SLC16A8: variants seen among roughly 807,000 people sequenced by gnomAD.
SLC16A8 encodes monocarboxylate transporter 3.
SLC16A8 carries 20 observed loss-of-function variants against 22.4 expected under a neutral mutation model. The ratio of observed to expected loss-of-function variants is 0.89; its 90% CI spans 0.63 to 1.30. The LOEUF (loss-of-function observed/expected upper bound fraction) is 1.30, where lower values mean the gene tolerates loss of function less well. Among genes scored for constraint, SLC16A8 ranks in the 50% most tolerant of loss-of-function variants. The pLI, the probability that SLC16A8 is intolerant of heterozygous loss-of-function variation, is 0.00. For synonymous variants in SLC16A8, 393 were observed against 358.8 expected, an observed-to-expected ratio of 1.10 and a Z score of -1.08; for missense variants, 817 against 740.3, an observed-to-expected ratio of 1.10 and a Z score of -1.20.
chr22:38,078,742 C>T (rs1449221453), intron 5 of SLC16A8, 38 bp from the exon 6 acceptor site: 1 of 1,565,036 alleles, frequency 6.4e-7, no homozygotes, highest in South Asian at 1.2e-5. Flanking sequence ...AGGTAAGGTC[C>T]TGTGGGGTCC....
In SLC16A8 at chr22:38,082,712, G is replaced by A; in HGVS notation, c.162C>T (p.Tyr54=). ...TGGAGGACACCCAGGCCGTGTCGCT[G>A]TAGCCGGCGTCGAAGTCGCGCATGA... The part of the protein sequence containing the change: ...RALMRDFDAG[Y]SDTAWVSSIM... Residue 54 remains tyrosine (Y), a synonymous_variant, in exon 3 of 6, where the codon TAC becomes TAT. Coordinates refer to ENST00000681075, the MANE Select transcript of SLC16A8 (RefSeq NM_013356.3). 1 of 1,591,192 alleles carries A rather than the reference G, an allele frequency of 6.3e-7. No individual in the cohort carries two copies. The highest frequency in any genetic ancestry group is 1.1e-5 in the South Asian group (1 of 88,248).
At position 38,081,663 on chromosome 22, in the gene SLC16A8, G is replaced by GAGGGCC. The variant is rs765699451; in HGVS notation, c.369_374dup (p.Ala124_Leu125dup). The GAGGGCC allele has an allele frequency of 3.5e-5, 54 of 1,524,534 alleles. No homozygotes were observed. The African/African-American group carries it at 7.0e-4, about 20-fold the overall frequency. The allele number at this position is 1,524,534 out of a possible 1,614,324, so 94.4% of individuals were successfully genotyped here. On this transcript the variant is annotated inframe_insertion, in exon 5 of 6. Coordinates refer to ENST00000681075, the MANE Select transcript of SLC16A8 (RefSeq NM_013356.3). ...GCATGATGAGCGACGGCTGGAAGTTGAGGGCCAGGCCCAGGCCTGCGGGCG... is the reference window on the plus strand; with the variant it reads ...GCATGATGAGCGACGGCTGGAAGTTGAGGGCCAGGGCCAGGCCCAGGCCTGCGGGCG...
intron 5 of SLC16A8, among the ~76,000 whole-genome samples, chr22:38,079,844 T>C (rs2085891593): frequency 6.6e-6 from 1 of 152,190 alleles, no homozygotes. Flanking sequence ...ACACAAGAAA[T>C]GGAAGACGGT....
chr22:38,082,501 G>T (rs1033827257), intron 3 of SLC16A8, among the ~76,000 whole-genome samples, 159 bp downstream of exon 3: 1 of 152,216 alleles, frequency 6.6e-6, no homozygotes, highest in Non-Finnish European at 1.5e-5. Flanking sequence ...TCTCCCTCCC[G>T]CCCTCTCTTC....
chr22:38,082,065 C>A, intron 3 of SLC16A8, 33 bp from the exon 4 acceptor site: 1 of 1,551,128 alleles, frequency 6.4e-7, no homozygotes. Flanking sequence ...ACCCGGGTCC[C>A]GGGATGGCTT....
chr22:38,082,667 G>T lies in SLC16A8; in HGVS notation c.207C>A (p.Tyr69Ter). Reference protein sequence around the residue: ...WVSSIMLAMLYGTGPVSSILV... With the variant: ...WVSSIMLAML ...CCGGGCGGGGACACTGACCCGTGCC[G>T]TAGAGCATGGCTAGCATGATGGAGG... The change falls in exon 3 of 6, where the codon TAC (tyrosine) becomes TAA (stop). Residue 69 changes from tyrosine (Y) to a stop codon, truncating the protein, a stop_gained. Transcript: ENST00000681075. LOFTEE classifies it high-confidence loss of function. 1 of 1,575,352 alleles carries T rather than the reference G, an allele frequency of 6.3e-7. No individual in the cohort carries two copies. Among genetic ancestry groups the T allele is most frequent in the Non-Finnish European group, 8.6e-7 (1 of 1,162,314 alleles).
At position 38,080,871 on chromosome 22, in the gene SLC16A8, G is replaced by A. The variant is rs557612182; in HGVS notation, c.1167C>T (p.Ala389=). The change falls in exon 5 of 6, where the codon GCC becomes GCT. Residue 389 remains alanine (A), a synonymous_variant. Transcript: ENST00000681075. ...AGGGCGGTCCGATGAGCACAGCCGC[G>A]GCCTCCACGAGCAACACCAGGCCCA... ...SALGLVLLVE[A]AAVLIGPPSA... The A allele has an allele frequency of 6.9e-5, 107 of 1,542,390 alleles. No individual in the cohort carries two copies. Among genetic ancestry groups the A allele is most frequent in the Non-Finnish European group, 9.1e-5 (105 of 1,151,576 alleles).
rs1318857142 is a variant in SLC16A8 at position 38,084,161 on chromosome 22, C to T, written c.-502G>A. On this transcript the variant is annotated 5_prime_UTR_variant, in exon 1 of 6. Coordinates refer to ENST00000681075, the MANE Select transcript of SLC16A8 (RefSeq NM_013356.3). ...CGACTCCCGCCTGACGCTCCCTGCC[C>T]CAGGCCTGGAGCTTAGAGTGTGTGC... The T allele has an allele frequency of 6.6e-6, 1 of 152,394 alleles. No homozygotes were observed. The highest frequency in any genetic ancestry group is 6.5e-5 in the Admixed American group (1 of 15,282). The allele number at this position is 152,394 out of a possible 1,614,324, so 9.4% of individuals were successfully genotyped here.
intron 2 of SLC16A8, 23 bp from the exon 3 acceptor site, chr22:38,082,904 A>G: frequency 7.4e-7 from 1 of 1,351,070 alleles, no homozygotes. Context: ...GGCGGGGACA[A>G]GAGGGAGGGG....
chr22:38,078,739 GTCC>G lies in SLC16A8; in HGVS notation c.1199-38_1199-36del, dbSNP rs768444330. 2.5e-5 allele frequency: 39 copies of G among 1,563,416 alleles called. No homozygotes were observed. In the East Asian group the frequency reaches 8.6e-4, roughly 34 times the overall value. On this transcript the variant is annotated intron_variant, in intron 5 of 5. Coordinates refer to ENST00000681075, the MANE Select transcript of SLC16A8 (RefSeq NM_013356.3). ...AGGAGGAAGAGGAGGGAGAGGTAAGGTCCTGTGGGGTCCTCCCCTCACTCTCCT... is the reference window on the plus strand; with the variant it reads ...AGGAGGAAGAGGAGGGAGAGGTAAGGTGTGGGGTCCTCCCCTCACTCTCCT...
Position 38,083,317 on chromosome 22 carries a change from T to C in SLC16A8, c.-284A>G, listed in dbSNP as rs943341368. On this transcript the variant is annotated 5_prime_UTR_variant, in exon 2 of 6. It removes the in-frame stop codon of an upstream open reading frame in the 5' UTR. Coordinates refer to ENST00000681075, the MANE Select transcript of SLC16A8 (RefSeq NM_013356.3). ...GGCCGCTGTGCGTGATTTTCCTCTT[T>C]AGCCTTCCGCCATGTTCCTAATGTT... 3 of 177,836 alleles carry C rather than the reference T, an allele frequency of 1.7e-5. No individual in the cohort carries two copies. The highest frequency in any genetic ancestry group is 7.1e-5 in the African/African-American group (3 of 42,218). 11.0% of individuals were successfully genotyped at this position (177,836 alleles called of 1,614,324 possible).
Position 38,081,869 on chromosome 22 carries a change from G to A in SLC16A8, c.358+20C>T. 2 of 1,588,140 alleles carry A rather than the reference G, an allele frequency of 1.3e-6. No individual in the cohort carries two copies. The highest frequency in any genetic ancestry group is 2.7e-5 in the African/African-American group (2 of 74,418). ...CCCCCGACCCCCAACCCAGCGGAGA[G>A]GAGACCAGGGGGCCCTCACCTGTGA... On this transcript the variant is annotated intron_variant, in intron 4 of 5. Coordinates refer to ENST00000681075, the MANE Select transcript of SLC16A8 (RefSeq NM_013356.3).
chr22:38,082,828 C>T lies in SLC16A8; in HGVS notation c.46G>A (p.Gly16Ser), dbSNP rs763333824. 10 of 1,578,586 alleles carry T rather than the reference C, an allele frequency of 6.3e-6. No homozygotes were observed. The highest frequency in any genetic ancestry group is 8.6e-6 in the Non-Finnish European group (10 of 1,166,930). The change falls in exon 3 of 6, where the codon GGC becomes AGC. Residue 16 changes from glycine to serine, a missense_variant. Physicochemically the swap from Gly to Ser is moderately conservative, Grantham distance 56. Transcript: ENST00000681075. ...PRRGEGPPDG[G>S]WGWVVLGACF... The stretch of plus-strand genomic sequence containing the variant: ...GCGCCCAGCACCACCCAGCCCCAGC[C>T]GCCGTCTGGGGGGCCCTCGCCCCGC...
intron 3 of SLC16A8, 80 bp from the exon 4 acceptor site, chr22:38,082,112 G>C: frequency 1.4e-6 from 2 of 1,442,340 alleles, no homozygotes; most frequent in Non-Finnish European, 1.9e-6. Context: ...CCGGCTCAGG[G>C]ACACAGAGAG....
chr22:38,082,744 G>C lies in SLC16A8; in HGVS notation c.130C>G (p.Arg44Gly). ...GFPKAVSVFF[R>G]ALMRDFDAGY... ...GCGTCGAAGTCGCGCATGAGCGCGCGGAAGAAGACGCTCACGGCTTTGGGG... is the reference window on the plus strand; with the variant it reads ...GCGTCGAAGTCGCGCATGAGCGCGCCGAAGAAGACGCTCACGGCTTTGGGG... The change falls in exon 3 of 6, where the codon CGC becomes GGC. Residue 44 changes from arginine to glycine, a missense_variant. Physicochemically the swap from Arg to Gly is moderately radical, Grantham distance 125. Coordinates refer to ENST00000681075, the MANE Select transcript of SLC16A8 (RefSeq NM_013356.3). 1 of 1,592,848 alleles carries C rather than the reference G, an allele frequency of 6.3e-7. No homozygotes were observed. The highest frequency in any genetic ancestry group is 8.5e-7 in the Non-Finnish European group (1 of 1,172,120).
At position 38,081,645 on chromosome 22, in the gene SLC16A8, G is replaced by A. The variant is rs763430150; in HGVS notation, c.393C>T (p.Leu131=). 74 of 1,526,700 alleles carry A rather than the reference G, an allele frequency of 4.8e-5. No homozygotes were observed. The highest frequency in any genetic ancestry group is 5.9e-5 in the Non-Finnish European group (67 of 1,142,200). The allele number at this position is 1,526,700 out of a possible 1,614,324, so 94.6% of individuals were successfully genotyped here. A position where few individuals can be genotyped will look rare whatever the true frequency, so the allele number is the denominator to read the frequency against. Residue 131 remains leucine, a synonymous_variant, in exon 5 of 6, where the codon CTC becomes CTT. Coordinates refer to ENST00000681075, the MANE Select transcript of SLC16A8 (RefSeq NM_013356.3). ...GCTCGAAGTACAGCCCCAGCATGAT[G>A]AGCGACGGCTGGAAGTTGAGGGCCA... ...LGLALNFQPS[L]IMLGLYFERR... is the part of the protein sequence containing the mutation.
chr22:38,080,922 C>T lies in SLC16A8; in HGVS notation c.1116G>A (p.Val372=), dbSNP rs771672484. ...ALQFEVLMAA[V]GAPRFPSALG... ...GCGCACTGGGGAAGCGGGGCGCGCC[C>T]ACAGCCGCCATGAGCACCTCGAACT... is the stretch of plus-strand genomic sequence containing the variant. Residue 372 remains valine, a synonymous_variant, in exon 5 of 6, where the codon GTG becomes GTA. Coordinates refer to ENST00000681075, the MANE Select transcript of SLC16A8 (RefSeq NM_013356.3). 40 of 1,574,062 alleles carry T rather than the reference C, an allele frequency of 2.5e-5. No homozygotes were observed. In the Admixed American group the frequency reaches 7.2e-4, roughly 28 times the overall value.
intron 5 of SLC16A8, 110 bp from the exon 6 acceptor site, chr22:38,078,814 G>A: frequency 1.2e-6 from 1 of 863,814 alleles, no homozygotes; most frequent in Non-Finnish European, 1.8e-6. Context: ...GAGGCTCCTG[G>A]GTGACACACA....
In SLC16A8 at chr22:38,081,285, G is replaced by A; in HGVS notation, c.753C>T (p.Arg251=). ...TGGTGACGGCGTACACGGCGAAGGC[G>A]CGGTCGGTGCACACTGCCAAGTCCA... ...RLLDLAVCTD[R]AFAVYAVTKF... The change falls in exon 5 of 6, where the codon CGC becomes CGT. Residue 251 remains arginine (R), a synonymous_variant. Coordinates refer to ENST00000681075, the MANE Select transcript of SLC16A8 (RefSeq NM_013356.3). 1 of 1,572,794 alleles carries A rather than the reference G, an allele frequency of 6.4e-7. No homozygotes were observed. The highest frequency in any genetic ancestry group is 1.2e-5 in the South Asian group (1 of 85,778).
Sources: gnomAD v4.1 joint callset for allele counts (sites outside exome capture counted in the v4.1 genomes callset) on GRCh38, gnomAD v4.1.1 for gene constraint, MANE v1.5 for transcripts, NCBI Gene and HGNC (gene_info 2026-07-23, HGNC 2026-07-21) for gene names.